Variants in DNAJB6 observed in about 807,000 individuals in gnomAD.
DNAJB6 encodes DnaJ heat shock protein family (Hsp40) member B6.
DNAJB6 carries 16 observed loss-of-function variants against 42.7 expected under a neutral mutation model. The ratio of observed to expected loss-of-function variants is 0.37; its 90% CI spans 0.25 to 0.57. The LOEUF is 0.57. Among genes scored for constraint, DNAJB6 ranks in the 20% least tolerant of loss-of-function variants. The probability of loss-of-function intolerance (pLI) is 0.74; values close to 1 mark genes in which losing one functional copy is unlikely to be tolerated. For synonymous variants in DNAJB6, 170 were observed against 163.5 expected (o/e 1.04, Z -0.30); for missense variants, 347 against 416.8 (o/e 0.83, Z 1.46).
chr7:157,413,559 G>A (rs1796031730), intron 9 of DNAJB6: 1 of 152,176 alleles, frequency 6.6e-6, no homozygotes, highest in Admixed American at 6.5e-5. Context: ...TTTTTAAGTA[G>A]TCACTGGTGG....
intron 8 of DNAJB6, among the ~76,000 whole-genome samples, chr7:157,389,641 G>A (rs988453156): frequency 4.6e-5 from 7 of 152,208 alleles, no homozygotes; most frequent in East Asian, 1.9e-4. Context: ...ACTAAAGTGT[G>A]ACCAATGGTT....
At chr7:157,393,795 G>T (rs1801462437) in intron 8 of DNAJB6, among the ~76,000 whole-genome samples, 1 of 152,234 alleles carries the variant, frequency 6.6e-6, no homozygotes, top group African/African-American at 2.4e-5. Context: ...TCAGATTGGG[G>T]TTAATGGCAG....
intron 5 of DNAJB6, chr7:157,381,309 T>G (rs1382714907): frequency 1.3e-5 from 2 of 152,204 alleles, no homozygotes; most frequent in Non-Finnish European, 2.9e-5. Flanking sequence ...TGTCTTTACC[T>G]TGCATGCGTT....
chr7:157,343,294 G>A (rs988015270), intron 1 of DNAJB6, among the ~76,000 whole-genome samples: 4 of 151,994 alleles, frequency 2.6e-5, no homozygotes, highest in African/African-American at 9.7e-5. Context: ...CGAGTAGCTG[G>A]GACTACAGGC....
At chr7:157,376,924 A>G (rs1800505991) in intron 5 of DNAJB6, among the ~76,000 whole-genome samples, 1 of 152,130 alleles carries the variant, frequency 6.6e-6, no homozygotes. Flanking sequence ...TTGGCCCAGA[A>G]AGGCAGGACA....
intron 8 of DNAJB6, among the ~76,000 whole-genome samples, chr7:157,386,624 T>A (rs1801074228): frequency 1.3e-5 from 2 of 152,174 alleles, no homozygotes; most frequent in South Asian, 4.1e-4. Flanking sequence ...GCTCAACGCC[T>A]GTAATCCCAG....
chr7:157,348,585 G>T (rs1004099718), intron 1 of DNAJB6, among the ~76,000 whole-genome samples: 4 of 152,020 alleles, frequency 2.6e-5, no homozygotes, highest in Admixed American at 2.0e-4. Context: ...CGCACATATC[G>T]TTTGGAGCAT....
chr7:157,358,909 C>A (rs935947345), intron 2 of DNAJB6, among the ~76,000 whole-genome samples: 3 of 152,180 alleles, frequency 2.0e-5, no homozygotes, highest in Admixed American at 2.0e-4. Context: ...TTACATTGGA[C>A]TTTGAAAATG....
chr7:157,380,390 T>G (rs1299287671), intron 5 of DNAJB6: 1 of 152,206 alleles, frequency 6.6e-6, no homozygotes, highest in Non-Finnish European at 1.5e-5. Context: ...GGTTATGATT[T>G]AACATCTTTG....
At chr7:157,400,312 C>T (rs4716715) in intron 8 of DNAJB6, among the ~76,000 whole-genome samples, 5,160 of 54,708 alleles carry the variant, frequency 0.094, 2 homozygotes, top group African/African-American at 0.16. Context: ...CGCACTTGTA[C>T]GTAGGGAGGT....
intron 8 of DNAJB6, among the ~76,000 whole-genome samples, chr7:157,405,093 G>A (rs1369076819): frequency 6.6e-6 from 1 of 152,218 alleles, no homozygotes; most frequent in Admixed American, 6.5e-5. Flanking sequence ...TGACAGGCCG[G>A]CCTTGGTGAA....
intron 8 of DNAJB6, among the ~76,000 whole-genome samples, chr7:157,400,078 T>A (rs1001383178): frequency 1.3e-5 from 2 of 152,246 alleles, no homozygotes; most frequent in African/African-American, 4.8e-5. Context: ...GTAAAGCCTT[T>A]GTAAAGCCAA....
chr7:157,376,257 G>A (rs1368663055), intron 5 of DNAJB6, among the ~76,000 whole-genome samples: 1 of 152,074 alleles, frequency 6.6e-6, no homozygotes, highest in Non-Finnish European at 1.5e-5. Flanking sequence ...TTCTCACACT[G>A]TTCATTGTAT....
At chr7:157,405,793 G>GC (rs2117194896) in intron 8 of DNAJB6, among the ~76,000 whole-genome samples, 2 of 152,362 alleles carry the variant, frequency 1.3e-5, no homozygotes, top group East Asian at 3.9e-4. Context: ...CGAGGCGAGA[G>GC]CCATGGGGTG....
intron 2 of DNAJB6, among the ~76,000 whole-genome samples, chr7:157,359,446 C>T (rs1045401551): frequency 3.3e-5 from 5 of 152,172 alleles, no homozygotes; most frequent in African/African-American, 4.8e-5. Flanking sequence ...CTCCTGGGCT[C>T]AAGCGATTCT....
At chr7:157,394,267 G>A (rs925452416) in intron 8 of DNAJB6, among the ~76,000 whole-genome samples, 10 of 152,166 alleles carry the variant, frequency 6.6e-5, no homozygotes, top group Non-Finnish European at 4.4e-5. Flanking sequence ...TTGGAAGGAA[G>A]GGTTAAGAAA....
chr7:157,413,775 T>C (rs1024161038), intron 9 of DNAJB6: 1 of 144,030 alleles, frequency 6.9e-6, no homozygotes, highest in Non-Finnish European at 1.5e-5. Context: ...CAGGCTGGAG[T>C]GCAGTGGCGT....
rs556979439 is a variant in DNAJB6, at chr7:157,367,594, C to G, written c.346+111C>G. The G allele has an allele frequency of 9.1e-5, 67 of 734,114 alleles. No individual in the cohort carries two copies. In the African/African-American group the frequency reaches 9.9e-4, roughly 11 times the overall value. The allele number at this position is 734,114 out of a possible 1,614,324, so 45.5% of individuals were successfully genotyped here. A position where few individuals can be genotyped will look rare whatever the true frequency, so the allele number is the denominator to read the frequency against. On this transcript the variant is annotated intron_variant, in intron 5 of 9. Transcript: ENST00000262177. ...TTGTATTTTAGGCTGGGCGCGGTGGCTCATGCCTGTAATCCCAGCACTTTG... is the reference window on the plus strand; with the variant it reads ...TTGTATTTTAGGCTGGGCGCGGTGGGTCATGCCTGTAATCCCAGCACTTTG...
intron 5 of DNAJB6, 53 bp from the exon 6 acceptor site, chr7:157,382,193 G>T: frequency 6.6e-7 from 1 of 1,521,474 alleles, no homozygotes; most frequent in South Asian, 1.3e-5. Flanking sequence ...TATCACATGA[G>T]GAAAAAAACT....
Sources: gnomAD v4.1 joint callset for allele counts (sites outside exome capture counted in the v4.1 genomes callset) on GRCh38, gnomAD v4.1.1 for gene constraint, MANE v1.5 for transcripts, NCBI Gene and HGNC (gene_info 2026-07-23, HGNC 2026-07-21) for gene names.